The following COP1 variants were observed in gnomAD, a reference collection of about 807,000 sequenced individuals.
The protein encoded by COP1 is E3 ubiquitin-protein ligase COP1.
In COP1, 24 loss-of-function variants were observed where a neutral mutation model predicts 101.3. The observed-to-expected ratio is 0.24, with a 90% CI of 0.17 to 0.33. The LOEUF is 0.33. COP1 is among the 10% of genes least tolerant of loss of function. COP1 has a pLI of 1.00. For missense variants in COP1, 663 were observed against 906.2 expected (o/e 0.73, Z 3.45); for synonymous variants, 347 against 341.9 (o/e 1.01, Z -0.17).
At chr1:176,094,774 G>A (rs1014945500) in intron 9 of COP1, among the ~76,000 whole-genome samples, 14 of 151,778 alleles carry the variant, frequency 9.2e-5, no homozygotes, top group Non-Finnish European at 1.8e-4. Context: ...ATAATTTATG[G>A]TCAGCCTGTA....
chr1:176,050,837 C>T lies in COP1; in HGVS notation c.1278-4513G>A, dbSNP rs368588582. Among the ~76,000 whole-genome samples the T allele has an allele frequency of 5.9e-5, 9 of 152,142 alleles. No individual in the cohort carries two copies. The South Asian group carries it at 1.4e-3, about 24-fold the overall frequency. On this transcript the variant is annotated intron_variant, in intron 11 of 19. Transcript: ENST00000367669. ...ATACTAATGTTAAGTAATTTGTCCACGGATACACCAGATAATTCAAATTTA... is the reference window on the plus strand; with the variant it reads ...ATACTAATGTTAAGTAATTTGTCCATGGATACACCAGATAATTCAAATTTA...
chr1:176,124,670 T>C (rs1410266148), intron 8 of COP1, among the ~76,000 whole-genome samples: 2 of 152,238 alleles, frequency 1.3e-5, no homozygotes, highest in African/African-American at 2.4e-5. Context: ...CATTCATCTG[T>C]TGATGGACAC....
chr1:176,033,771 A>T (rs1379507689), intron 14 of COP1, among the ~76,000 whole-genome samples: 2 of 152,128 alleles, frequency 1.3e-5, no homozygotes, highest in Admixed American at 1.3e-4. Flanking sequence ...ATTCATATGA[A>T]CTCAGTTTTT....
chr1:175,957,469 G>T (rs1228067324), intron 18 of COP1, among the ~76,000 whole-genome samples: 1 of 152,172 alleles, frequency 6.6e-6, no homozygotes, highest in Non-Finnish European at 1.5e-5. Flanking sequence ...CATAGCTAAG[G>T]TATGTACTAG....
intron 5 of COP1, among the ~76,000 whole-genome samples, chr1:176,149,800 T>A (rs1692136477): frequency 6.6e-6 from 1 of 152,028 alleles, no homozygotes; most frequent in East Asian, 1.9e-4. Flanking sequence ...TCCAGGTTAA[T>A]CTGATAAAAA....
At chr1:176,061,892 G>A (rs898702554) in intron 11 of COP1, among the ~76,000 whole-genome samples, 1 of 152,096 alleles carries the variant, frequency 6.6e-6, no homozygotes, top group Non-Finnish European at 1.5e-5. Context: ...ATACAAAGAT[G>A]AGCCACAGGC....
intron 14 of COP1, among the ~76,000 whole-genome samples, chr1:176,034,943 A>G (rs1232367255): frequency 6.6e-6 from 1 of 152,206 alleles, no homozygotes; most frequent in African/African-American, 2.4e-5. Context: ...CTACTAAGAA[A>G]TGAAGAAACA....
chr1:176,147,577 T>C (rs531239899), intron 6 of COP1, among the ~76,000 whole-genome samples: 1 of 152,226 alleles, frequency 6.6e-6, no homozygotes, highest in African/African-American at 2.4e-5. Context: ...CAAGAAAATA[T>C]GGTCCAAGAG....
chr1:176,169,917 C>G (rs559803046), intron 3 of COP1, among the ~76,000 whole-genome samples: 13 of 152,358 alleles, frequency 8.5e-5, no homozygotes, highest in Middle Eastern at 6.8e-3. Flanking sequence ...GCTGCTTTAT[C>G]AACTAAGTTT....
chr1:176,162,760 AAATG>A (rs1427617250), intron 5 of COP1, 105 bp downstream of exon 5: 2 of 904,106 alleles, frequency 2.2e-6, no homozygotes, highest in Non-Finnish European at 3.2e-6. Context: ...AGCTGAGTAA[AAATG>A]AATGGATTAG....
At chr1:176,026,997 A>G (rs1012739615) in intron 15 of COP1, among the ~76,000 whole-genome samples, 4 of 152,172 alleles carry the variant, frequency 2.6e-5, no homozygotes. Flanking sequence ...GTGAACTAGG[A>G]CTGTCCCAGG....
intron 1 of COP1, among the ~76,000 whole-genome samples, chr1:176,201,837 G>C (rs1216955154): frequency 1.3e-5 from 2 of 152,172 alleles, no homozygotes; most frequent in Non-Finnish European, 2.9e-5. Context: ...AATGGCACAT[G>C]TATTATAAAG....
At chr1:176,102,665 G>C (rs1007076100) in intron 9 of COP1, among the ~76,000 whole-genome samples, 2 of 152,172 alleles carry the variant, frequency 1.3e-5, no homozygotes, top group Non-Finnish European at 2.9e-5. Flanking sequence ...GACTGTCTTT[G>C]TAAGACTAAC....
intron 15 of COP1, among the ~76,000 whole-genome samples, chr1:176,013,570 A>G (rs940052005): frequency 2.0e-5 from 3 of 152,168 alleles, no homozygotes; most frequent in Non-Finnish European, 4.4e-5. Flanking sequence ...TAAATAAATT[A>G]TTTCATTATA....
chr1:176,197,198 C>T (rs908132464), intron 1 of COP1, among the ~76,000 whole-genome samples: 2 of 152,080 alleles, frequency 1.3e-5, no homozygotes, highest in Non-Finnish European at 2.9e-5. Flanking sequence ...AAAGCTATGA[C>T]ACAACAACAA....
intron 8 of COP1, among the ~76,000 whole-genome samples, chr1:176,121,944 T>C (rs1011125633): frequency 1.3e-5 from 2 of 151,868 alleles, no homozygotes; most frequent in Admixed American, 6.6e-5. Context: ...ATGGAGACCA[T>C]CCTGGCTAAC....
intron 15 of COP1, among the ~76,000 whole-genome samples, chr1:176,007,145 A>T (rs1333733429): frequency 4.6e-5 from 7 of 152,038 alleles, no homozygotes; most frequent in Non-Finnish European, 4.4e-5. Flanking sequence ...TCGGCTCCTG[A>T]GGCTTCTGCA....
Position 175,989,366 on chromosome 1 carries a change from A to C in COP1, c.1843T>G (p.Ser615Ala). Residue 615 changes from serine to alanine, a missense_variant, in exon 16 of 20, where the codon TCT (serine) becomes GCT (alanine). By Grantham distance (99) the Ser-to-Ala change is moderately conservative. Around this residue, in one of 4 missense-constraint regions of COP1, gnomAD observed 209 missense variants for 383.3 expected, o/e 0.55. Transcript: ENST00000367669. ...AKFVSGEEIVSASTDSQLKLW... is the reference protein window; with the variant it reads ...AKFVSGEEIVAASTDSQLKLW... The stretch of plus-strand genomic sequence containing the variant: ...TCTGAGGAGAGTAATACTCACGCAG[A>C]GACAATTTCCTCACCACTCACAAAC... 1 of 1,521,980 alleles carries C rather than the reference A, an allele frequency of 6.6e-7. No individual in the cohort carries two copies. The highest frequency in any genetic ancestry group is 9.1e-7 in the Non-Finnish European group (1 of 1,096,170). The allele number at this position is 1,521,980 out of a possible 1,614,324, so 94.3% of individuals were successfully genotyped here.
At chr1:176,111,125 C>G (rs1432403388) in intron 9 of COP1, among the ~76,000 whole-genome samples, 1 of 152,094 alleles carries the variant, frequency 6.6e-6, no homozygotes, top group East Asian at 1.9e-4. Flanking sequence ...GCACTCCAGC[C>G]TGGACAACAG....
Sources: allele counts gnomAD v4.1 joint callset (sites outside exome capture counted in the v4.1 genomes callset), GRCh38; gene constraint gnomAD v4.1.1; regional missense constraint gnomAD v4.1.1; transcripts MANE v1.5; gene names NCBI Gene and HGNC (gene_info 2026-07-23, HGNC 2026-07-21).